GRIN2A: variants seen among roughly 807,000 people sequenced by gnomAD.
GRIN2A encodes the protein glutamate ionotropic receptor NMDA type subunit 2A, also known as glutamate receptor ionotropic, NMDA 2A.
Under a neutral mutation model 113.4 loss-of-function variants are expected in GRIN2A, and 22 were observed. That is an observed-to-expected ratio of 0.19 (90% CI 0.14 to 0.28). The LOEUF is 0.28. Ranked by LOEUF, GRIN2A falls within the 10% of genes least tolerant of loss-of-function variation. The pLI, the probability that GRIN2A is intolerant of heterozygous loss-of-function variation, is 1.00. For synonymous variants in GRIN2A, 827 were observed against 738.4 expected (o/e 1.12, Z -1.94); for missense variants, 1,502 against 1,887.0 (o/e 0.80, Z 3.78).
At chr16:9,930,745 G>GTATTACTGAATACAGAATAATTTTGTATA (rs2044571731) in intron 3 of GRIN2A, among the ~76,000 whole-genome samples, 1 of 152,206 alleles carries the variant, frequency 6.6e-6, no homozygotes, top group Non-Finnish European at 1.5e-5. Flanking sequence ...AACCAACAGT[G>GTATTACTGAATACAGAATAATTTTGTATA]ATCATTCTGA....
chr16:9,857,692 G>T (rs1398000097), intron 4 of GRIN2A, among the ~76,000 whole-genome samples: 1 of 152,152 alleles, frequency 6.6e-6, no homozygotes, highest in Admixed American at 6.5e-5. Context: ...TCACAGGATT[G>T]CTGAGAGGAC....
intron 2 of GRIN2A, among the ~76,000 whole-genome samples, chr16:10,154,355 G>C (rs367919725): frequency 3.9e-5 from 6 of 152,186 alleles, no homozygotes; most frequent in African/African-American, 1.4e-4. Flanking sequence ...AGCTGATCCA[G>C]CTTTCCTGAA....
rs1045451569 is a variant in GRIN2A, at chr16:9,760,437, G to A, written c.*2712C>T. The A allele has an allele frequency of 7.0e-6, 1 of 143,790 alleles. No homozygotes were observed. The highest frequency in any genetic ancestry group is 1.2e-4 in the East Asian group (1 of 8,352). 8.9% of individuals were successfully genotyped at this position (143,790 alleles called of 1,614,324 possible). A position where few individuals can be genotyped will look rare whatever the true frequency, so the allele number is the denominator to read the frequency against. Reference sequence around the variant, plus strand: ...ACATTGAAGAGTCATTGAATTAGTAGAGAAGGGATACCATAAACTTTGTGT... The same window carrying A: ...ACATTGAAGAGTCATTGAATTAGTAAAGAAGGGATACCATAAACTTTGTGT... On this transcript the variant is annotated 3_prime_UTR_variant, in exon 13 of 13. Transcript: ENST00000330684.
chr16:10,029,953 C>T (rs181105964), intron 2 of GRIN2A, among the ~76,000 whole-genome samples: 2,285 of 152,018 alleles, frequency 0.015, 62 homozygotes, highest in African/African-American at 0.052. Flanking sequence ...GCTGAGATTG[C>T]ACTACTGCAC....
In GRIN2A at chr16:10,095,807, C is replaced by A. The variant is rs190156804; in HGVS notation, c.414+84191G>T. On this transcript the variant is annotated intron_variant, in intron 2 of 12. Coordinates refer to ENST00000330684, the MANE Select transcript of GRIN2A (RefSeq NM_001134407.3). ...TTAATATCACCAATATCAAGACCAA[C>A]GGACATCATCTCTTGATACAATGCA... 3.9e-5 allele frequency among the ~76,000 whole-genome samples: 6 copies of A among 152,122 alleles called. No individual in the cohort carries two copies. In the East Asian group the frequency reaches 1.2e-3, roughly 29 times the overall value.
At chr16:10,011,425 A>C (rs952656140) in intron 2 of GRIN2A, among the ~76,000 whole-genome samples, 1 of 152,116 alleles carries the variant, frequency 6.6e-6, no homozygotes, top group Non-Finnish European at 1.5e-5. Context: ...GCAATATTCT[A>C]TTTCCTTTTG....
chr16:10,115,094 A>T (rs1256672977), intron 2 of GRIN2A, among the ~76,000 whole-genome samples: 1 of 152,216 alleles, frequency 6.6e-6, no homozygotes, highest in East Asian at 1.9e-4. Flanking sequence ...TCCCTGCTTA[A>T]AATGTGCTGC....
intron 4 of GRIN2A, among the ~76,000 whole-genome samples, chr16:9,868,838 T>G (rs2043207608): frequency 6.6e-6 from 1 of 152,176 alleles, no homozygotes; most frequent in Non-Finnish European, 1.5e-5. Flanking sequence ...TTTCTCTCAG[T>G]GCCAGGTTTC....
At chr16:9,928,287 C>T (rs2044509715) in intron 3 of GRIN2A, among the ~76,000 whole-genome samples, 1 of 152,140 alleles carries the variant, frequency 6.6e-6, no homozygotes, top group African/African-American at 2.4e-5. Flanking sequence ...TTGCTCCCAC[C>T]TGGAAGGGAT....
chr16:9,909,096 G>A (rs1348719343), intron 3 of GRIN2A, among the ~76,000 whole-genome samples: 1 of 152,162 alleles, frequency 6.6e-6, no homozygotes, highest in African/African-American at 2.4e-5. Flanking sequence ...GGCTGGGGAG[G>A]CCTCACAATC....
At chr16:9,990,557 GCGCGCGCACACACA>G (rs1224204383) in intron 2 of GRIN2A, among the ~76,000 whole-genome samples, 1 of 105,876 alleles carries the variant, frequency 9.4e-6, no homozygotes, top group Non-Finnish European at 2.1e-5. Flanking sequence ...GCGCGCGCGC[GCGCGCGCACACACA>G]CACACACACA....
At chr16:9,819,610 T>C (rs1162778601) in intron 10 of GRIN2A, among the ~76,000 whole-genome samples, 1 of 152,038 alleles carries the variant, frequency 6.6e-6, no homozygotes, top group African/African-American at 2.4e-5. Flanking sequence ...TGAAATTAAA[T>C]CTCCAGTAAT....
intron 11 of GRIN2A, among the ~76,000 whole-genome samples, chr16:9,775,349 G>A (rs995125044): frequency 3.3e-5 from 5 of 152,132 alleles, no homozygotes; most frequent in East Asian, 1.9e-4. Flanking sequence ...TTGGTTTTCC[G>A]AGGACTTCAT....
intron 4 of GRIN2A, among the ~76,000 whole-genome samples, chr16:9,885,612 G>A (rs765808561): frequency 6.6e-6 from 1 of 152,154 alleles, no homozygotes; most frequent in Non-Finnish European, 1.5e-5. Flanking sequence ...TTTCAGTGAC[G>A]CCACTGGCTG....
At chr16:10,013,019 G>A (rs2046537770) in intron 2 of GRIN2A, among the ~76,000 whole-genome samples, 1 of 152,162 alleles carries the variant, frequency 6.6e-6, no homozygotes, top group Admixed American at 6.5e-5. Flanking sequence ...GTGGGAGGCG[G>A]TAGAGGAGCA....
intron 4 of GRIN2A, among the ~76,000 whole-genome samples, chr16:9,868,821 T>C (rs1347386836): frequency 6.6e-6 from 1 of 152,126 alleles, no homozygotes; most frequent in East Asian, 1.9e-4. Context: ...TCTGAGTACA[T>C]TGAGCTTTTC....
At chr16:10,121,154 T>C (rs948231421) in intron 2 of GRIN2A, among the ~76,000 whole-genome samples, 2 of 151,514 alleles carry the variant, frequency 1.3e-5, no homozygotes, top group African/African-American at 4.8e-5. Flanking sequence ...TTGGCATCTC[T>C]GCTACACTGT....
At chr16:10,128,280 G>T (rs533111637) in intron 2 of GRIN2A, among the ~76,000 whole-genome samples, 24 of 152,172 alleles carry the variant, frequency 1.6e-4, no homozygotes, top group Non-Finnish European at 3.1e-4. Context: ...AGCTTGCAGC[G>T]AGTTTTGTGA....
chr16:9,800,365 C>T (rs1485803297), intron 10 of GRIN2A, among the ~76,000 whole-genome samples: 5 of 152,096 alleles, frequency 3.3e-5, no homozygotes, highest in South Asian at 4.1e-4. Context: ...AATGTCTCAA[C>T]TCTAAAATGG....
Sources: allele counts gnomAD v4.1 joint callset (sites outside exome capture counted in the v4.1 genomes callset), GRCh38; gene constraint gnomAD v4.1.1; transcripts MANE v1.5; gene names NCBI Gene and HGNC (gene_info 2026-07-23, HGNC 2026-07-21).